CDH12: variants seen among roughly 807,000 people sequenced by gnomAD.
CDH12 encodes the protein cadherin 12, also known as cadherin-12.
CDH12 carries 41 observed loss-of-function variants against 74.1 expected under a neutral mutation model. The ratio of observed to expected loss-of-function variants is 0.55; its 90% CI spans 0.43 to 0.72. The LOEUF (loss-of-function observed/expected upper bound fraction) is 0.72. CDH12 is among the 30% of genes least tolerant of loss of function. The pLI is 0.00. For missense variants in CDH12, 945 were observed against 977.2 expected, an observed-to-expected ratio of 0.97 and a Z score of 0.44; for synonymous variants, 399 against 355.0, an observed-to-expected ratio of 1.12 and a Z score of -1.39.
chr5:21,844,367 A>G (rs553482972), intron 7 of CDH12, among the ~76,000 whole-genome samples: 8 of 152,074 alleles, frequency 5.3e-5, no homozygotes, highest in African/African-American at 1.9e-4. Context: ...AAACATACAC[A>G]TAACTACATT....
At chr5:22,636,868 C>A (rs2126864554) in intron 1 of CDH12, among the ~76,000 whole-genome samples, 1 of 152,236 alleles carries the variant, frequency 6.6e-6, no homozygotes, top group African/African-American at 2.4e-5. Context: ...TAAGTAAATG[C>A]AGTGGTACTC....
At chr5:22,169,136 C>T (rs1271019076) in intron 4 of CDH12, among the ~76,000 whole-genome samples, 1 of 151,872 alleles carries the variant, frequency 6.6e-6, no homozygotes, top group Non-Finnish European at 1.5e-5. Context: ...CTCTGCCTTT[C>T]TGTCCTATTT....
chr5:22,066,405 G>T (rs1373355046), intron 5 of CDH12, among the ~76,000 whole-genome samples: 3 of 152,078 alleles, frequency 2.0e-5, no homozygotes, highest in Admixed American at 1.3e-4. Flanking sequence ...ACCTTTGGGG[G>T]ACTACTGGAC....
chr5:21,827,846 T>G (rs1167752723), intron 8 of CDH12, among the ~76,000 whole-genome samples: 1 of 152,126 alleles, frequency 6.6e-6, no homozygotes. Context: ...TTGGCAAGAG[T>G]TCACAACATT....
In CDH12 at chr5:21,755,793, C is replaced by A; in HGVS notation, c.1683G>T (p.Gln561His). The change falls in exon 14 of 15, where the codon CAG becomes CAT. Residue 561 changes from glutamine (Q) to histidine (H), a missense_variant. Around this residue, in one of 3 missense-constraint regions of CDH12, gnomAD observed 791 missense variants for 792.8 expected, o/e 1.00. Coordinates refer to ENST00000382254, the MANE Select transcript of CDH12 (RefSeq NM_004061.5). ...ETRRNGYSRR[Q>H]QELYFLPVVI... ...CAACAGGGAGGAAATACAACTCTTG[C>A]TGCCTGCGGCTGTATCCATTTCTTC... 1 of 1,614,036 alleles carries A rather than the reference C, an allele frequency of 6.2e-7. No individual in the cohort carries two copies. Among genetic ancestry groups the A allele is most frequent in the East Asian group, 2.2e-5 (1 of 44,866 alleles).
chr5:22,602,514 T>C (rs974713883), intron 1 of CDH12, among the ~76,000 whole-genome samples: 2 of 152,144 alleles, frequency 1.3e-5, no homozygotes, highest in African/African-American at 2.4e-5. Flanking sequence ...CTATTCATTG[T>C]TTTCCTAAAG....
At chr5:22,541,334 G>T (rs556439871) in intron 1 of CDH12, among the ~76,000 whole-genome samples, 1 of 152,210 alleles carries the variant, frequency 6.6e-6, no homozygotes, top group Non-Finnish European at 1.5e-5. Flanking sequence ...CACATGAAGT[G>T]TGAGATGAAG....
chr5:22,409,274 T>C (rs1336299034), intron 2 of CDH12, among the ~76,000 whole-genome samples: 2 of 152,044 alleles, frequency 1.3e-5, no homozygotes, highest in Non-Finnish European at 2.9e-5. Flanking sequence ...ACATATGGTT[T>C]CACTTGTATT....
intron 1 of CDH12, among the ~76,000 whole-genome samples, chr5:22,669,147 A>T (rs1249706571): frequency 2.0e-5 from 3 of 152,144 alleles, no homozygotes; most frequent in Non-Finnish European, 4.4e-5. Context: ...CAAATACAGC[A>T]TACTAATATA....
At chr5:22,049,061 G>A (rs770499890) in intron 5 of CDH12, among the ~76,000 whole-genome samples, 7 of 151,960 alleles carry the variant, frequency 4.6e-5, no homozygotes, top group African/African-American at 9.7e-5. Flanking sequence ...TCTCTAGAGC[G>A]ACTAGCATAT....
chr5:22,595,950 T>C (rs1437421129), intron 1 of CDH12, among the ~76,000 whole-genome samples: 2 of 148,904 alleles, frequency 1.3e-5, no homozygotes, highest in Non-Finnish European at 3.0e-5. Context: ...ATAAAAAAAA[T>C]TAAAAAAATT....
chr5:22,496,383 C>T (rs1747106728), intron 2 of CDH12, among the ~76,000 whole-genome samples: 1 of 152,108 alleles, frequency 6.6e-6, no homozygotes, highest in African/African-American at 2.4e-5. Context: ...GAAAATGTTG[C>T]AACATAATGT....
Position 21,760,647 on chromosome 5 carries a change from C to G in CDH12, c.1544G>C (p.Arg515Pro), listed in dbSNP as rs765231841. ...TTGTTGCCCAGCAGGTGAAAGATCT[C>G]GGTCTGCAGCACTGACTATCTGAAT... is the stretch of plus-strand genomic sequence containing the variant. Reference protein sequence around the residue: ...QIIQIVSAADRDLSPAGQQFS... With the variant: ...QIIQIVSAADPDLSPAGQQFS... The change falls in exon 13 of 15, where the codon CGA becomes CCA. Residue 515 changes from arginine to proline, a missense_variant. Physicochemically the swap from Arg to Pro is moderately radical, Grantham distance 103. This residue lies in a region of CDH12 where 791 missense variants were observed against 792.8 expected (regional missense o/e 1.00). Coordinates refer to ENST00000382254, the MANE Select transcript of CDH12 (RefSeq NM_004061.5). 3.7e-6 allele frequency: 6 copies of G among 1,608,540 alleles called. No homozygotes were observed. Among genetic ancestry groups the G allele is most frequent in the South Asian group, 3.3e-5 (3 of 90,784 alleles).
chr5:22,286,651 A>G (rs1420165406), intron 3 of CDH12, among the ~76,000 whole-genome samples: 1 of 148,732 alleles, frequency 6.7e-6, no homozygotes, highest in African/African-American at 2.5e-5. Context: ...TTTTCAGCAA[A>G]TAAATCACAG....
At chr5:22,567,857 T>C (rs968902361) in intron 1 of CDH12, among the ~76,000 whole-genome samples, 3 of 152,174 alleles carry the variant, frequency 2.0e-5, no homozygotes, top group African/African-American at 7.2e-5. Context: ...GATAAAACAT[T>C]TCTTAACACA....
Position 22,683,109 on chromosome 5 carries a change from C to G in CDH12, c.-523+169949G>C, listed in dbSNP as rs528990156. ...GTTCTCTGAGCCCTGCTGAGATTGC[C>G]ATTTCTTAAACAGACAGCACTTATT... On this transcript the variant is annotated intron_variant, in intron 1 of 14. Coordinates refer to ENST00000382254, the MANE Select transcript of CDH12 (RefSeq NM_004061.5). Among the ~76,000 whole-genome samples, 18 of 152,228 alleles carry G rather than the reference C, an allele frequency of 1.2e-4. No homozygotes were observed. In the South Asian group the frequency reaches 3.3e-3, roughly 28 times the overall value.
chr5:21,973,007 C>T (rs1009565864), intron 6 of CDH12, among the ~76,000 whole-genome samples: 5 of 145,848 alleles, frequency 3.4e-5, no homozygotes, highest in Non-Finnish European at 7.5e-5. Flanking sequence ...TACTTGAGAA[C>T]AGCCTGGGCA....
At chr5:21,888,214 G>A (rs1477987559) in intron 6 of CDH12, among the ~76,000 whole-genome samples, 3 of 152,086 alleles carry the variant, frequency 2.0e-5, no homozygotes, top group Admixed American at 2.0e-4. Context: ...AAGAACATAC[G>A]CTTTTCTCTC....
At chr5:22,454,607 G>A (rs1169577516) in intron 2 of CDH12, among the ~76,000 whole-genome samples, 3 of 152,040 alleles carry the variant, frequency 2.0e-5, no homozygotes, top group Non-Finnish European at 4.4e-5. Flanking sequence ...CTGAGCAGCT[G>A]GATTACAGGT....
Sources: gnomAD v4.1 joint callset for allele counts (sites outside exome capture counted in the v4.1 genomes callset) on GRCh38, gnomAD v4.1.1 for gene constraint, gnomAD v4.1.1 regional missense constraint, MANE v1.5 for transcripts, NCBI Gene and HGNC (gene_info 2026-07-23, HGNC 2026-07-21) for gene names.